LAMC1: variants seen among roughly 807,000 people sequenced by gnomAD.
LAMC1 encodes the protein laminin subunit gamma-1.
Under a neutral mutation model 173.6 loss-of-function variants are expected in LAMC1, and 38 were observed. That is an observed-to-expected ratio of 0.22 (90% CI 0.17 to 0.29). The LOEUF is 0.29. Ranked by LOEUF, LAMC1 falls within the 10% of genes least tolerant of loss-of-function variation. LAMC1 has a pLI of 1.00. For missense variants in LAMC1, 1,824 were observed against 2,051.8 expected (o/e 0.89, Z 2.14); for synonymous variants, 746 against 749.1 (o/e 1.00, Z 0.07).
Position 183,057,111 on chromosome 1 carries a change from G to A in LAMC1, c.418+32977G>A, listed in dbSNP as rs541923793. On this transcript the variant is annotated intron_variant, in intron 1 of 27. Transcript: ENST00000258341. ...GGATAAGGAAAATGCAATCCGTATT[G>A]AGATTCTTGAGCTTTCTAAAGTGTT... Among the ~76,000 whole-genome samples the A allele has an allele frequency of 7.2e-4, 110 of 152,336 alleles. 3 individuals are homozygous for A. In the South Asian group the frequency reaches 0.016, roughly 23 times the overall value.
intron 26 of LAMC1, among the ~76,000 whole-genome samples, chr1:183,139,355 C>T (rs1195546349): frequency 6.6e-6 from 1 of 152,106 alleles, no homozygotes; most frequent in Non-Finnish European, 1.5e-5. Context: ...TATTTTTTAA[C>T]CAGAAGAATG....
In LAMC1 at chr1:183,099,897, C is replaced by T. The variant is rs531171051; in HGVS notation, c.419-3431C>T. ...GTATCGGAAACTGAATTCATCTTCC[C>T]ATCCTGCCCCTGCGCCTGCCTCCAG... On this transcript the variant is annotated intron_variant, in intron 1 of 27. Coordinates refer to ENST00000258341, the MANE Select transcript of LAMC1 (RefSeq NM_002293.4). Among the ~76,000 whole-genome samples the T allele has an allele frequency of 7.0e-4, 106 of 152,282 alleles. 1 individual carries two copies. The highest frequency in any genetic ancestry group is 1.2e-3 in the Non-Finnish European group (84 of 68,026).
chr1:183,127,161 C>A, intron 16 of LAMC1, 65 bp from the exon 17 acceptor site: 1 of 1,471,256 alleles, frequency 6.8e-7, no homozygotes, highest in Non-Finnish European at 9.3e-7. Flanking sequence ...TGTTATCAGT[C>A]TGAATTAAGA....
chr1:183,105,499 A>C (rs1655955553), intron 2 of LAMC1, among the ~76,000 whole-genome samples: 1 of 152,198 alleles, frequency 6.6e-6, no homozygotes, highest in African/African-American at 2.4e-5. Flanking sequence ...CTGTACACCC[A>C]GTCAGCCTGT....
At chr1:183,049,846 G>A (rs1654368959) in intron 1 of LAMC1, among the ~76,000 whole-genome samples, 1 of 151,950 alleles carries the variant, frequency 6.6e-6, no homozygotes. Context: ...AATCATTCTG[G>A]ATTTTCTTCC....
chr1:183,124,122 GTTCTC>G lies in LAMC1; in HGVS notation c.2402-504_2402-500del, dbSNP rs549141970. Among the ~76,000 whole-genome samples the G allele has an allele frequency of 7.2e-5, 11 of 152,286 alleles. No individual in the cohort carries two copies. In the East Asian group the frequency reaches 1.9e-3, roughly 27 times the overall value. ...GCAGTCAGCAACTGATGATTTCTAA[GTTCTC>G]TTCTAACATGCCCTGATTCTGTACC... On this transcript the variant is annotated intron_variant, in intron 13 of 27. Transcript: ENST00000258341.
At chr1:183,056,384 T>C (rs983174124) in intron 1 of LAMC1, among the ~76,000 whole-genome samples, 2 of 152,218 alleles carry the variant, frequency 1.3e-5, no homozygotes, top group Non-Finnish European at 2.9e-5. Context: ...TTGCCATATA[T>C]GGGCTCCTCT....
intron 26 of LAMC1, among the ~76,000 whole-genome samples, chr1:183,139,908 T>G (rs1326037097): frequency 6.6e-6 from 1 of 152,148 alleles, no homozygotes; most frequent in Non-Finnish European, 1.5e-5. Flanking sequence ...AGGGGGAGTT[T>G]ACAGAAGAGA....
intron 13 of LAMC1, among the ~76,000 whole-genome samples, chr1:183,123,228 A>G (rs1358444440): frequency 6.6e-6 from 1 of 152,122 alleles, no homozygotes; most frequent in Non-Finnish European, 1.5e-5. Flanking sequence ...AGCAAATCTT[A>G]CTGATGTTAT....
chr1:183,027,967 A>G (rs1653732904), intron 1 of LAMC1, among the ~76,000 whole-genome samples: 3 of 152,218 alleles, frequency 2.0e-5, no homozygotes, highest in Non-Finnish European at 4.4e-5. Context: ...TGCAGGTTTC[A>G]ACTTGAGAAG....
At chr1:183,102,327 T>A (rs967269952) in intron 1 of LAMC1, among the ~76,000 whole-genome samples, 3 of 152,236 alleles carry the variant, frequency 2.0e-5, no homozygotes, top group Admixed American at 6.5e-5. Flanking sequence ...GTAAGCTCCT[T>A]GAATACAGGG....
chr1:183,131,031 G>A (rs547107344), intron 19 of LAMC1, among the ~76,000 whole-genome samples: 115 of 152,116 alleles, frequency 7.6e-4, no homozygotes, highest in Admixed American at 1.3e-3. Context: ...AAAATTAGCC[G>A]GGTATGGTGG....
At chr1:183,064,115 G>C (rs2102034415) in intron 1 of LAMC1, among the ~76,000 whole-genome samples, 1 of 152,292 alleles carries the variant, frequency 6.6e-6, no homozygotes, top group African/African-American at 2.4e-5. Flanking sequence ...CACCAGCCAG[G>C]CAGATGTGTT....
chr1:183,065,274 C>T (rs187431506), intron 1 of LAMC1, among the ~76,000 whole-genome samples: 23 of 151,928 alleles, frequency 1.5e-4, no homozygotes, highest in Non-Finnish European at 2.4e-4. Context: ...GTATGTATAG[C>T]GAGGGAGACA....
chr1:183,039,688 A>C (rs958754459), intron 1 of LAMC1, among the ~76,000 whole-genome samples: 3 of 152,348 alleles, frequency 2.0e-5, no homozygotes, highest in African/African-American at 7.2e-5. Flanking sequence ...GGTTTTAAAC[A>C]TATGTCCACT....
chr1:183,120,413 A>G (rs1196516474), intron 11 of LAMC1, among the ~76,000 whole-genome samples: 1 of 152,202 alleles, frequency 6.6e-6, no homozygotes, highest in Non-Finnish European at 1.5e-5. Context: ...GCCATATCTC[A>G]TGACCTAACT....
chr1:183,127,171 A>G lies in LAMC1; in HGVS notation c.2945-55A>G, dbSNP rs910256976. ...CTTATTGTTATCAGTCTGAATTAAG[A>G]GATATACTCTTCCTTCTTTTGCTAA... On this transcript the variant is annotated intron_variant, in intron 16 of 27. Transcript: ENST00000258341. 4.6e-6 allele frequency: 7 copies of G among 1,520,572 alleles called. No homozygotes were observed. The African/African-American group carries it at 9.6e-5, about 21-fold the overall frequency. 94.2% of individuals were successfully genotyped at this position (1,520,572 alleles called of 1,614,324 possible).
At position 183,133,510 on chromosome 1, in the gene LAMC1, G is replaced by C. The variant is rs1347650409; in HGVS notation, c.3809G>C (p.Ser1270Thr). Residue 1270 changes from serine (S) to threonine (T), a missense_variant, in exon 22 of 28, where the codon AGC becomes ACC. Physicochemically the swap from Ser to Thr is moderately conservative, Grantham distance 58 (BLOSUM62 1). Coordinates refer to ENST00000258341, the MANE Select transcript of LAMC1 (RefSeq NM_002293.4). ...AGDKAVEIYA[S>T]VAQLSPLDSE... ...GACAAAGCTGTGGAGATCTATGCCA[G>C]CGTGGCTCAGCTGAGCCCTTTGGAC... is the stretch of plus-strand genomic sequence containing the variant. The C allele has an allele frequency of 6.2e-7, 1 of 1,613,752 alleles. No homozygotes were observed. The highest frequency in any genetic ancestry group is 8.5e-7 in the Non-Finnish European group (1 of 1,179,776).
intron 13 of LAMC1, among the ~76,000 whole-genome samples, chr1:183,123,356 C>A (rs3768618): frequency 0.52 from 78,463 of 151,718 alleles, 20,962 homozygotes; most frequent in South Asian, 0.65. Flanking sequence ...CCTACAATGG[C>A]TCCAATCTCA....
Sources: allele counts gnomAD v4.1 joint callset (sites outside exome capture counted in the v4.1 genomes callset), GRCh38; gene constraint gnomAD v4.1.1; transcripts MANE v1.5; gene names NCBI Gene and HGNC (gene_info 2026-07-23, HGNC 2026-07-21).